Variants in MAP4K3 observed in about 807,000 individuals in gnomAD.
The protein encoded by MAP4K3 is MAPK/ERK kinase kinase kinase 3.
A neutral mutation model predicts 143.5 loss-of-function variants in MAP4K3; 94 were observed. The observed-to-expected ratio is 0.65, with a 90% CI of 0.55 to 0.78. MAP4K3 has a LOEUF of 0.78. MAP4K3 is among the 30% of genes least tolerant of loss of function. MAP4K3 has a pLI of 0.00. For synonymous variants in MAP4K3, 416 were observed against 347.2 expected (o/e 1.20, Z -2.20); for missense variants, 1,077 against 1,068.1 (o/e 1.01, Z -0.12).
intron 15 of MAP4K3, 36 bp downstream of exon 15, chr2:39,307,907 C>A: frequency 6.8e-7 from 1 of 1,462,658 alleles, no homozygotes; most frequent in Non-Finnish European, 9.3e-7. Flanking sequence ...AAGACTAAAA[C>A]AATGCTGACA....
At chr2:39,381,387 C>G (rs1316939866) in intron 1 of MAP4K3, among the ~76,000 whole-genome samples, 1 of 152,108 alleles carries the variant, frequency 6.6e-6, no homozygotes, top group African/African-American at 2.4e-5. Context: ...GGATATAAAT[C>G]CCTTATCAGT....
chr2:39,383,253 C>G (rs1666398854), intron 1 of MAP4K3, among the ~76,000 whole-genome samples: 1 of 152,124 alleles, frequency 6.6e-6, no homozygotes, highest in African/African-American at 2.4e-5. Context: ...CCTCAGGAAA[C>G]TTACAAGCAA....
chr2:39,428,576 T>TGA (rs1169907294), intron 1 of MAP4K3, among the ~76,000 whole-genome samples: 1 of 151,858 alleles, frequency 6.6e-6, no homozygotes, highest in Non-Finnish European at 1.5e-5. Context: ...CTCGGGAGGC[T>TGA]GAGGCAGGAG....
intron 19 of MAP4K3, among the ~76,000 whole-genome samples, chr2:39,289,848 G>A (rs1238697641): frequency 6.6e-6 from 1 of 152,144 alleles, no homozygotes; most frequent in East Asian, 1.9e-4. Flanking sequence ...ACTTTGGGAG[G>A]CCAAGGCAGG....
At chr2:39,410,087 C>T (rs376459559) in intron 1 of MAP4K3, among the ~76,000 whole-genome samples, 19 of 152,152 alleles carry the variant, frequency 1.2e-4, no homozygotes, top group East Asian at 5.8e-4. Context: ...CTGACTACAG[C>T]GAAGAAGTAA....
chr2:39,386,399 T>C (rs1307743043), intron 1 of MAP4K3, among the ~76,000 whole-genome samples: 1 of 152,224 alleles, frequency 6.6e-6, no homozygotes, highest in Non-Finnish European at 1.5e-5. Flanking sequence ...AGCAAAAGTT[T>C]TTATTTTTGA....
At chr2:39,273,229 G>A (rs977482569) in intron 24 of MAP4K3, among the ~76,000 whole-genome samples, 4 of 152,094 alleles carry the variant, frequency 2.6e-5, no homozygotes, top group African/African-American at 9.7e-5. Context: ...TTCGTTATGC[G>A]TATCAGTGGT....
At chr2:39,390,447 G>A (rs566735492) in intron 1 of MAP4K3, among the ~76,000 whole-genome samples, 12 of 152,300 alleles carry the variant, frequency 7.9e-5, no homozygotes, top group African/African-American at 2.9e-4. Context: ...GCAGATCTGA[G>A]GTGAGCCCCA....
At chr2:39,425,097 C>T (rs1253377770) in intron 1 of MAP4K3, among the ~76,000 whole-genome samples, 1 of 151,908 alleles carries the variant, frequency 6.6e-6, no homozygotes, top group Non-Finnish European at 1.5e-5. Context: ...CCACAGTCTC[C>T]CACCCACTCC....
At chr2:39,263,427 C>T (rs1207571188) in intron 28 of MAP4K3, among the ~76,000 whole-genome samples, 1 of 131,030 alleles carries the variant, frequency 7.6e-6, no homozygotes, top group African/African-American at 2.9e-5. Context: ...CGCCCACCAT[C>T]ACGCCCGGCT....
At chr2:39,436,010 A>G (rs1257421215) in intron 1 of MAP4K3, among the ~76,000 whole-genome samples, 1 of 152,228 alleles carries the variant, frequency 6.6e-6, no homozygotes, top group Non-Finnish European at 1.5e-5. Flanking sequence ...AAACTGGAGG[A>G]GTTCAACTTC....
chr2:39,292,368 G>A (rs1313582438), intron 18 of MAP4K3, among the ~76,000 whole-genome samples: 1 of 152,174 alleles, frequency 6.6e-6, no homozygotes, highest in East Asian at 1.9e-4. Flanking sequence ...TTGTAACAGT[G>A]GGATCCTAAT....
At chr2:39,365,449 T>C (rs990361321) in intron 2 of MAP4K3, among the ~76,000 whole-genome samples, 2 of 145,236 alleles carry the variant, frequency 1.4e-5, no homozygotes, top group Non-Finnish European at 3.0e-5. Flanking sequence ...TTTTTTTTTT[T>C]TTTTTTGAGA....
At chr2:39,268,634 ATTTTTTTTTT>A (rs70954799) in intron 26 of MAP4K3, among the ~76,000 whole-genome samples, 2 of 73,774 alleles carry the variant, frequency 2.7e-5, no homozygotes, top group East Asian at 9.5e-4. Context: ...GATTTTTTCT[ATTTTTTTTTT>A]TTTTTTTTTT....
intron 2 of MAP4K3, among the ~76,000 whole-genome samples, chr2:39,377,015 ATTCAT>A (rs1168731179): frequency 1.3e-5 from 2 of 152,232 alleles, no homozygotes; most frequent in East Asian, 3.9e-4. Flanking sequence ...AATTTTTTTA[ATTCAT>A]TTTATTTATG....
intron 1 of MAP4K3, among the ~76,000 whole-genome samples, chr2:39,403,361 TG>T (rs766409013): frequency 6.6e-6 from 1 of 152,086 alleles, no homozygotes; most frequent in Non-Finnish European, 1.5e-5. Context: ...AAAGAGGCAC[TG>T]AAGATATCAC....
intron 2 of MAP4K3, among the ~76,000 whole-genome samples, chr2:39,376,957 T>C (rs1666234951): frequency 6.6e-6 from 1 of 152,196 alleles, no homozygotes; most frequent in Non-Finnish European, 1.5e-5. Context: ...TCTTGCGATG[T>C]TTAGAATATA....
rs1003596209 is a variant in MAP4K3, at chr2:39,391,081, C to T, written c.97-12958G>A. Among the ~76,000 whole-genome samples, 13 of 151,990 alleles carry T rather than the reference C, an allele frequency of 8.6e-5. No individual in the cohort carries two copies. In the East Asian group the frequency reaches 1.9e-3, roughly 23 times the overall value. ...GAAATAATACATACTATAGGCCGGG[C>T]GCGGTGGCTCAAGCCTGTAATCCCA... On this transcript the variant is annotated intron_variant, in intron 1 of 33. Coordinates refer to ENST00000263881, the MANE Select transcript of MAP4K3 (RefSeq NM_003618.4).
rs537687606 is a variant in MAP4K3, at chr2:39,259,446, T to C, written c.2309-859A>G. On this transcript the variant is annotated intron_variant, in intron 29 of 33. Coordinates refer to ENST00000263881, the MANE Select transcript of MAP4K3 (RefSeq NM_003618.4). Reference sequence around the variant, plus strand: ...CTTACCAATACCCCTAGTGAAGTGATGGAAGATGATCAAAAAGGTAACATC... The same window carrying C: ...CTTACCAATACCCCTAGTGAAGTGACGGAAGATGATCAAAAAGGTAACATC... Among the ~76,000 whole-genome samples, 6 of 152,270 alleles carry C rather than the reference T, an allele frequency of 3.9e-5. No homozygotes were observed. In the East Asian group the frequency reaches 5.8e-4, roughly 15 times the overall value.
Sources: allele counts gnomAD v4.1 joint callset (sites outside exome capture counted in the v4.1 genomes callset), GRCh38; gene constraint gnomAD v4.1.1; transcripts MANE v1.5; gene names NCBI Gene and HGNC (gene_info 2026-07-23, HGNC 2026-07-21).